Variants in CDC42 observed in about 807,000 individuals in gnomAD.
CDC42 encodes the protein cell division cycle 42.
CDC42 carries 1 observed loss-of-function variant against 20.8 expected under a neutral mutation model. The ratio of observed to expected loss-of-function variants is 0.05; its 90% CI spans 0.02 to 0.23. The LOEUF (loss-of-function observed/expected upper bound fraction) is 0.23, where lower values mean the gene tolerates loss of function less well. CDC42 is among the 10% of genes least tolerant of loss of function. The pLI is 1.00. For missense variants in CDC42, 49 were observed against 227.9 expected, an observed-to-expected ratio of 0.21 and a Z score of 5.05; for synonymous variants, 72 against 84.8, an observed-to-expected ratio of 0.85 and a Z score of 0.83.
Position 22,095,948 on chromosome 1 carries a change from A to AATTTATTT in CDC42, c.*4452_*4459dup, listed in dbSNP as rs200889790. 0.028 allele frequency among the ~76,000 whole-genome samples: 4,296 copies of AATTTATTT among 151,656 alleles called. 102 individuals carry two copies. Among genetic ancestry groups the AATTTATTT allele is most frequent in the African/African-American group, 0.059 (2,447 of 41,168 alleles). ...TGCTATTCATTCATTTTTTTAAAAA[A>AATTTATTT]ATTTATTTATTTATTTATTTATTTA... On this transcript the variant is annotated 3_prime_UTR_variant, in exon 6 of 6. Coordinates refer to ENST00000656825, the MANE Select transcript of CDC42 (RefSeq NM_001791.4).
chr1:22,083,156 C>G (rs1645626351), intron 3 of CDC42, among the ~76,000 whole-genome samples: 1 of 151,986 alleles, frequency 6.6e-6, no homozygotes, highest in African/African-American at 2.4e-5. Flanking sequence ...GCTGGGATTA[C>G]AGGTGTGAAC....
chr1:22,059,791 G>C (rs1645343117), intron 1 of CDC42: 1 of 152,144 alleles, frequency 6.6e-6, no homozygotes, highest in East Asian at 1.9e-4. Flanking sequence ...TGATCCGCCT[G>C]CCTTGGCCTC....
chr1:22,083,275 C>G (rs1326630957), intron 3 of CDC42, among the ~76,000 whole-genome samples: 1 of 151,970 alleles, frequency 6.6e-6, no homozygotes, highest in African/African-American at 2.4e-5. Context: ...CTGGCGAGTA[C>G]TTTTGAAAGC....
Position 22,091,791 on chromosome 1 carries a change from G to GTTTTTTTTTTTTTTTTTTTTT in CDC42, c.*275_*276insTTTTTTTTTTTTTTTTTTTTT, listed in dbSNP as rs150558595. 6.4e-5 allele frequency: 5 copies of GTTTTTTTTTTTTTTTTTTTTT among 77,876 alleles called. 1 individual carries two copies. The highest frequency in any genetic ancestry group is 8.9e-5 in the Non-Finnish European group (4 of 45,188). 4.8% of individuals were successfully genotyped at this position (77,876 alleles called of 1,614,324 possible). The stretch of plus-strand genomic sequence containing the variant: ...TCAAAAAAAAAATTTTTGTGTGTGT[G>GTTTTTTTTTTTTTTTTTTTTT]TGTTTTTTTTTTTTTTTTTTTTGTT... On this transcript the variant is annotated 3_prime_UTR_variant, in exon 6 of 6. Coordinates refer to ENST00000656825, the MANE Select transcript of CDC42 (RefSeq NM_001791.4).
In CDC42 at chr1:22,075,846, A is replaced by G. The variant is rs537741584; in HGVS notation, c.-50-2583A>G. On this transcript the variant is annotated intron_variant, in intron 1 of 5. Coordinates refer to ENST00000656825, the MANE Select transcript of CDC42 (RefSeq NM_001791.4). ...ACCCAGGCTTAACAGGGGACTCACA[A>G]CCAACCAGTTTGTAACAAATTGCAG... Among the ~76,000 whole-genome samples the G allele has an allele frequency of 5.3e-5, 8 of 152,312 alleles. No homozygotes were observed. The South Asian group carries it at 1.2e-3, about 24-fold the overall frequency.
At chr1:22,088,389 G>T (rs1645683265) in intron 5 of CDC42, among the ~76,000 whole-genome samples, 2 of 152,218 alleles carry the variant, frequency 1.3e-5, no homozygotes, top group African/African-American at 4.8e-5. Context: ...GATTTTTACA[G>T]TATCAACAGG....
Position 22,091,560 on chromosome 1 carries a change from A to G in CDC42, c.*43A>G, listed in dbSNP as rs1217269125. On this transcript the variant is annotated 3_prime_UTR_variant, in exon 6 of 6. Transcript: ENST00000656825. ...TTTCTGCACAGCTGGTGTCGGCATC[A>G]TACTAAAAGCAATGTTTAAATCAAA... 1 of 1,303,272 alleles carries G rather than the reference A, an allele frequency of 7.7e-7. No homozygotes were observed. Among genetic ancestry groups the G allele is most frequent in the Admixed American group, 2.1e-5 (1 of 48,044 alleles). The allele number at this position is 1,303,272 out of a possible 1,614,324, so 80.7% of individuals were successfully genotyped here.
intron 2 of CDC42, among the ~76,000 whole-genome samples, chr1:22,079,082 G>A (rs1030676082): frequency 2.0e-5 from 3 of 151,488 alleles, no homozygotes; most frequent in Non-Finnish European, 4.4e-5. Context: ...GTTATGTTTC[G>A]AGAACACCAA....
chr1:22,071,200 C>T (rs1291746634), intron 1 of CDC42, among the ~76,000 whole-genome samples: 8 of 151,796 alleles, frequency 5.3e-5, no homozygotes, highest in Non-Finnish European at 7.4e-5. Context: ...CCTGCCACCA[C>T]GCCCGGCTAA....
At chr1:22,083,105 T>C (rs899854931) in intron 3 of CDC42, among the ~76,000 whole-genome samples, 13 of 151,908 alleles carry the variant, frequency 8.6e-5, no homozygotes, top group African/African-American at 3.1e-4. Flanking sequence ...GGTCTCGAAC[T>C]TCTGACCTCA....
intron 5 of CDC42, among the ~76,000 whole-genome samples, chr1:22,089,400 G>A (rs543254935): frequency 6.6e-6 from 1 of 152,174 alleles, no homozygotes. Flanking sequence ...TTGGGTGGTG[G>A]TTACTTGCTC....
chr1:22,092,292 T>G lies in CDC42; in HGVS notation c.*775T>G, dbSNP rs1322461500. ...ACTTTCAAGGACATTTGTTTGCCAT[T>G]TGCTGATTTTTTTGGGAAGTTAATT... On this transcript the variant is annotated 3_prime_UTR_variant, in exon 6 of 6. Transcript: ENST00000656825. 6.6e-6 allele frequency: 1 copy of G among 152,622 alleles called. No homozygotes were observed. The highest frequency in any genetic ancestry group is 6.5e-5 in the Admixed American group (1 of 15,282). 9.5% of individuals were successfully genotyped at this position (152,622 alleles called of 1,614,324 possible).
intron 1 of CDC42, among the ~76,000 whole-genome samples, chr1:22,078,077 C>A (rs550410180): frequency 2.0e-5 from 3 of 152,154 alleles, no homozygotes; most frequent in Non-Finnish European, 4.4e-5. Flanking sequence ...TGTGTGTGCA[C>A]GTGTAACTGA....
chr1:22,060,448 A>C (rs927235527), intron 1 of CDC42, among the ~76,000 whole-genome samples: 2 of 152,154 alleles, frequency 1.3e-5, no homozygotes, highest in African/African-American at 4.8e-5. Context: ...AGGGAGATGG[A>C]GGTGGAATAA....
intron 1 of CDC42, among the ~76,000 whole-genome samples, chr1:22,055,866 A>AG (rs1553193141): frequency 2.2e-5 from 2 of 90,024 alleles, no homozygotes; most frequent in Non-Finnish European, 4.0e-5. Context: ...ATTGTTTTAG[A>AG]GTTTTTTTTT....
At chr1:22,066,596 C>T (rs16826384) in intron 1 of CDC42, among the ~76,000 whole-genome samples, 11 of 152,126 alleles carry the variant, frequency 7.2e-5, no homozygotes, top group Non-Finnish European at 1.5e-4. Context: ...TAGATTATGA[C>T]CTTACAATAA....
chr1:22,065,229 A>G (rs1374409953), intron 1 of CDC42, among the ~76,000 whole-genome samples: 2 of 152,218 alleles, frequency 1.3e-5, no homozygotes, highest in Non-Finnish European at 2.9e-5. Flanking sequence ...TTCCTTGGGC[A>G]TGTTAGAGAC....
At chr1:22,064,426 G>T (rs1432314161) in intron 1 of CDC42, among the ~76,000 whole-genome samples, 1 of 152,064 alleles carries the variant, frequency 6.6e-6, no homozygotes, top group Non-Finnish European at 1.5e-5. Context: ...CTGTGTAGCT[G>T]GGAGTACAGG....
At chr1:22,060,484 AG>A (rs1433002772) in intron 1 of CDC42, among the ~76,000 whole-genome samples, 3 of 152,224 alleles carry the variant, frequency 2.0e-5, no homozygotes, top group Non-Finnish European at 4.4e-5. Context: ...ATTAGTGTTA[AG>A]GGGTATGAGA....
Sources: allele counts gnomAD v4.1 joint callset (sites outside exome capture counted in the v4.1 genomes callset), GRCh38; gene constraint gnomAD v4.1.1; transcripts MANE v1.5; gene names NCBI Gene and HGNC (gene_info 2026-07-23, HGNC 2026-07-21).